The following AKR1C3 variants were observed in gnomAD, a reference collection of about 807,000 sequenced individuals.
The protein encoded by AKR1C3 is aldo-keto reductase family 1 member C3.
A neutral mutation model predicts 43.6 loss-of-function variants in AKR1C3; 48 were observed. The observed-to-expected ratio is 1.10, with a 90% CI of 0.87 to 1.40. The LOEUF (loss-of-function observed/expected upper bound fraction) is 1.40. Among genes scored for constraint, AKR1C3 ranks in the 40% most tolerant of loss-of-function variants. The pLI is 0.00. For synonymous variants in AKR1C3, 162 were observed against 139.6 expected, an observed-to-expected ratio of 1.16 and a Z score of -1.13; for missense variants, 482 against 391.2, an observed-to-expected ratio of 1.23 and a Z score of -1.96.
chr10:5,053,890 T>G (rs1838207678), intron 1 of AKR1C3, among the ~76,000 whole-genome samples: 1 of 152,190 alleles, frequency 6.6e-6, no homozygotes. Flanking sequence ...CATCTGTAGC[T>G]TGATGGCCTT....
intron 4 of AKR1C3, 102 bp from the exon 5 acceptor site, chr10:5,099,224 AT>A: frequency 6.4e-7 from 1 of 1,557,006 alleles, no homozygotes; most frequent in East Asian, 2.3e-5. Context: ...AGCTATTTTC[AT>A]TGTCATACTT....
chr10:5,080,145 G>A (rs1459622352), intron 1 of AKR1C3, among the ~76,000 whole-genome samples: 1 of 147,608 alleles, frequency 6.8e-6, no homozygotes, highest in Non-Finnish European at 1.5e-5. Context: ...TCCGGACATA[G>A]GCCGGTAAGA....
chr10:5,105,742 G>T, intron 8 of AKR1C3, 65 bp downstream of exon 8: 1 of 1,279,834 alleles, frequency 7.8e-7, no homozygotes. Flanking sequence ...GATGGGTGTT[G>T]AGAGTGACCT....
chr10:5,091,797 T>G (rs891975931), upstream of AKR1C3, among the ~76,000 whole-genome samples: 1 of 152,172 alleles, frequency 6.6e-6, no homozygotes, highest in Admixed American at 6.6e-5. Flanking sequence ...CTTGTACACA[T>G]TTGTATTTTA....
Position 5,102,502 on chromosome 10 carries a change from C to T in AKR1C3, c.698C>T (p.Pro233Leu), listed in dbSNP as rs782786136. The T allele has an allele frequency of 1.2e-5, 18 of 1,559,782 alleles. No individual in the cohort carries two copies. The highest frequency in any genetic ancestry group is 9.6e-5 in the African/African-American group (7 of 72,710). ...CCTTCCAGGGTGGACCCGAACTCCCCGGTGCTCTTGGAGGACCCAGTCCTT... is the reference window on the plus strand; with the variant it reads ...CCTTCCAGGGTGGACCCGAACTCCCTGGTGCTCTTGGAGGACCCAGTCCTT... ...RDKRWVDPNS[P>L]VLLEDPVLCA... The change falls in exon 7 of 9, where the codon CCG becomes CTG. Residue 233 changes from proline (P) to leucine (L), a missense_variant. Pro to Leu is a moderately conservative substitution (Grantham distance 98). Transcript: ENST00000380554.
upstream of AKR1C3, among the ~76,000 whole-genome samples, chr10:5,092,606 A>G (rs540089337): frequency 2.9e-4 from 44 of 151,556 alleles, no homozygotes; most frequent in South Asian, 8.9e-3. Context: ...CACTTCAGTT[A>G]TATCGTTCAG....
At chr10:5,095,771 T>A (rs966146446) in intron 1 of AKR1C3, among the ~76,000 whole-genome samples, 7 of 152,134 alleles carry the variant, frequency 4.6e-5, no homozygotes, top group African/African-American at 1.4e-4. Context: ...GAATTTTTAA[T>A]GTACAAATCG....
intron 1 of AKR1C3, among the ~76,000 whole-genome samples, chr10:5,083,267 C>T (rs913283870): frequency 1.3e-5 from 2 of 152,084 alleles, no homozygotes; most frequent in African/African-American, 4.8e-5. Flanking sequence ...GTGATGTTCC[C>T]CTTCCTGTGT....
Position 5,073,153 on chromosome 10 carries a change from G to C in AKR1C3, c.85-23257G>C, listed in dbSNP as rs565789209. ...TAATTTTTGTATTCTTAGTAGAGAT[G>C]TGATTTCACCATGTTGGCCAGGCTG... On this transcript the variant is annotated intron_variant, in intron 1 of 8. Coordinates refer to the AKR1C3 transcript ENST00000439082. 1.9e-3 allele frequency among the ~76,000 whole-genome samples: 291 copies of C among 152,154 alleles called. 1 individual carries two copies. Among genetic ancestry groups the C allele is most frequent in the African/African-American group, 6.5e-3 (270 of 41,518 alleles).
chr10:5,102,273 C>A, intron 6 of AKR1C3, 63 bp downstream of exon 6: 1 of 1,575,498 alleles, frequency 6.3e-7, no homozygotes, highest in Non-Finnish European at 8.7e-7. Context: ...TTAGTCAGAG[C>A]ATCCTCAGTT....
At chr10:5,072,158 A>G (rs1554781388) in intron 1 of AKR1C3, among the ~76,000 whole-genome samples, 1 of 152,192 alleles carries the variant, frequency 6.6e-6, no homozygotes, top group Non-Finnish European at 1.5e-5. Flanking sequence ...TTGAGCAGCA[A>G]TTTAAGTATT....
At chr10:5,099,913 T>A (rs1839305735) in intron 5 of AKR1C3, 2 of 157,630 alleles carry the variant, frequency 1.3e-5, no homozygotes, top group African/African-American at 4.8e-5. Flanking sequence ...TCTGAATGCC[T>A]CTTCTTGATG....
intron 1 of AKR1C3, among the ~76,000 whole-genome samples, chr10:5,075,058 TCTC>T (rs1372579236): frequency 6.6e-6 from 1 of 152,046 alleles, no homozygotes; most frequent in Non-Finnish European, 1.5e-5. Flanking sequence ...GGCAAATAAA[TCTC>T]CTAAAATTAC....
At chr10:5,096,602 G>A (rs1839214396) in intron 2 of AKR1C3, 25 bp downstream of exon 2, 9 of 1,605,810 alleles carry the variant, frequency 5.6e-6, no homozygotes, top group Middle Eastern at 1.7e-4. Context: ...ATGAGCTTGT[G>A]TGCACATGTA....
rs552861773 is a variant in AKR1C3, at chr10:5,085,095, C to G, written c.85-11315C>G. ...TCCTTCTCCTGCCTGATTGCCCTGGCCAGAACTTCCAACACTGTTGAATAG... is the reference window on the plus strand; with the variant it reads ...TCCTTCTCCTGCCTGATTGCCCTGGGCAGAACTTCCAACACTGTTGAATAG... On this transcript the variant is annotated intron_variant, in intron 1 of 8. Coordinates refer to the AKR1C3 transcript ENST00000439082. Among the ~76,000 whole-genome samples the G allele has an allele frequency of 9.0e-3, 1,375 of 152,058 alleles. 21 individuals are homozygous for G. The highest frequency in any genetic ancestry group is 0.031 in the African/African-American group (1,293 of 41,420).
chr10:5,057,907 A>G (rs1838296438), intron 1 of AKR1C3, among the ~76,000 whole-genome samples: 1 of 152,218 alleles, frequency 6.6e-6, no homozygotes, highest in Non-Finnish European at 1.5e-5. Flanking sequence ...AAGTGAGCTC[A>G]AAGGTTTGCC....
At chr10:5,080,348 G>A (rs758138280) in intron 1 of AKR1C3, among the ~76,000 whole-genome samples, 5 of 152,214 alleles carry the variant, frequency 3.3e-5, no homozygotes, top group Non-Finnish European at 7.3e-5. Flanking sequence ...GCCTGGCTGG[G>A]TGCGGTAGCT....
At chr10:5,061,596 T>C (rs548325294) in intron 1 of AKR1C3, among the ~76,000 whole-genome samples, 1 of 152,300 alleles carries the variant, frequency 6.6e-6, no homozygotes, top group Non-Finnish European at 1.5e-5. Context: ...TTATATGTTG[T>C]GCATAAAAGG....
At chr10:5,063,021 T>C (rs1441717720) in intron 1 of AKR1C3, among the ~76,000 whole-genome samples, 1 of 152,146 alleles carries the variant, frequency 6.6e-6, no homozygotes, top group Admixed American at 6.5e-5. Flanking sequence ...TAATTCAGGA[T>C]GAAGGAGAGG....
Sources: allele counts gnomAD v4.1 joint callset (sites outside exome capture counted in the v4.1 genomes callset), GRCh38; gene constraint gnomAD v4.1.1; transcripts MANE v1.5; gene names NCBI Gene and HGNC (gene_info 2026-07-23, HGNC 2026-07-21).